IL1RAPL2: variants seen among roughly 807,000 people sequenced by gnomAD.
IL1RAPL2 encodes interleukin 1 receptor accessory protein like 2, also known as X-linked interleukin-1 receptor accessory protein-like 2.
A neutral mutation model predicts 44.1 loss-of-function variants in IL1RAPL2; 3 were observed. The observed-to-expected ratio is 0.07, with a 90% confidence interval of 0.03 to 0.18. The LOEUF (loss-of-function observed/expected upper bound fraction) is 0.18. Among genes scored for constraint, IL1RAPL2 ranks in the 10% least tolerant of loss-of-function variants. The pLI is 1.00. For missense variants in IL1RAPL2, 391 were observed against 496.4 expected (o/e 0.79, Z 2.02); for synonymous variants, 181 against 178.8 (o/e 1.01, Z -0.10).
chrX:105,398,139 T>C (rs1037018629), intron 5 of IL1RAPL2, among the ~76,000 whole-genome samples: 1 of 111,401 alleles, frequency 9.0e-6, no homozygotes, highest in Admixed American at 9.6e-5. Flanking sequence ...ACACTTGATA[T>C]ACAACCTTTT....
At chrX:104,854,700 CAATGTTTGAAAAATAG>C (rs1922312173) in intron 2 of IL1RAPL2, among the ~76,000 whole-genome samples, 1 of 107,367 alleles carries the variant, frequency 9.3e-6, no homozygotes, top group African/African-American at 3.4e-5. Context: ...AAATAGAATA[CAATGTTTGAAAAATAG>C]AATGTTTGAA....
intron 5 of IL1RAPL2, among the ~76,000 whole-genome samples, chrX:105,317,886 G>C (rs1263890128): frequency 1.8e-5 from 2 of 110,762 alleles, no homozygotes; most frequent in Non-Finnish European, 3.8e-5. Context: ...TAAATAATTT[G>C]CCTATATTCA....
chrX:105,170,227 A>G (rs1054638242), intron 2 of IL1RAPL2, among the ~76,000 whole-genome samples: 2 of 111,462 alleles, frequency 1.8e-5, no homozygotes, highest in African/African-American at 6.5e-5. Context: ...AAAAAAATAC[A>G]AATGAGCATA....
intron 7 of IL1RAPL2, among the ~76,000 whole-genome samples, chrX:105,728,715 T>G (rs765600042): frequency 1.8e-5 from 2 of 111,302 alleles, no homozygotes; most frequent in Non-Finnish European, 3.8e-5. Context: ...TGAAACACTA[T>G]ACATTATTGT....
intron 2 of IL1RAPL2, among the ~76,000 whole-genome samples, chrX:104,808,106 T>G (rs142127771): frequency 1.1e-4 from 12 of 112,379 alleles, no homozygotes; most frequent in African/African-American, 3.5e-4. Context: ...TAAGACAGGT[T>G]ATTTAGTTTA....
intron 3 of IL1RAPL2, among the ~76,000 whole-genome samples, chrX:105,198,209 A>C (rs1174055949): frequency 8.9e-6 from 1 of 111,878 alleles, no homozygotes; most frequent in African/African-American, 3.3e-5. Context: ...CGATAAATAC[A>C]TATGTGCATG....
At chrX:105,000,469 G>C (rs1377856212) in intron 2 of IL1RAPL2, among the ~76,000 whole-genome samples, 2 of 110,775 alleles carry the variant, frequency 1.8e-5, no homozygotes, top group African/African-American at 6.6e-5. Context: ...GACCCTACCT[G>C]AGATTATTAT....
At chrX:104,678,611 C>G (rs772107589) in intron 2 of IL1RAPL2, among the ~76,000 whole-genome samples, 1 of 112,302 alleles carries the variant, frequency 8.9e-6, no homozygotes, top group African/African-American at 3.2e-5. Context: ...TCTTTTACCT[C>G]TTTCCATTTT....
chrX:104,865,192 G>T (rs1490874547), intron 2 of IL1RAPL2, among the ~76,000 whole-genome samples: 1 of 111,563 alleles, frequency 9.0e-6, no homozygotes, highest in African/African-American at 3.3e-5. Flanking sequence ...TCCCTGGAGG[G>T]ACTGCAGAGG....
chrX:105,226,011 A>G (rs1235478947), intron 3 of IL1RAPL2, among the ~76,000 whole-genome samples: 1 of 111,899 alleles, frequency 8.9e-6, no homozygotes, highest in Non-Finnish European at 1.9e-5. Context: ...AATAGTGTCT[A>G]TCTCTAGAGC....
chrX:105,307,008 A>C (rs1467171423), intron 5 of IL1RAPL2, among the ~76,000 whole-genome samples: 1 of 111,170 alleles, frequency 9.0e-6, no homozygotes, highest in Non-Finnish European at 1.9e-5. Context: ...ACACGGTGGC[A>C]GGCGTGCGTG....
chrX:105,255,265 T>G (rs1180552912), intron 4 of IL1RAPL2, among the ~76,000 whole-genome samples: 1 of 111,848 alleles, frequency 8.9e-6, no homozygotes, highest in African/African-American at 3.3e-5. Context: ...ACCTCTCTGG[T>G]TAGCTATACA....
intron 1 of IL1RAPL2, among the ~76,000 whole-genome samples, chrX:104,637,581 G>A (rs1001198488): frequency 3.6e-5 from 4 of 110,259 alleles, no homozygotes; most frequent in Non-Finnish European, 7.6e-5. Context: ...TGAGATGATT[G>A]TATGTTTTTT....
At chrX:105,704,110 A>AAGTT (rs1361363635) in intron 6 of IL1RAPL2, among the ~76,000 whole-genome samples, 1 of 111,783 alleles carries the variant, frequency 8.9e-6, no homozygotes, top group Non-Finnish European at 1.9e-5. Context: ...ATAGTAAGGG[A>AAGTT]AGTTAGCAAT....
At chrX:105,255,146 A>G (rs2034304125) in intron 4 of IL1RAPL2, among the ~76,000 whole-genome samples, 1 of 111,619 alleles carries the variant, frequency 9.0e-6, no homozygotes, top group Non-Finnish European at 1.9e-5. Context: ...GTAGGGCTAT[A>G]ATAATATTGA....
At chrX:105,726,524 G>A (rs1259905747) in intron 7 of IL1RAPL2, among the ~76,000 whole-genome samples, 3 of 111,681 alleles carry the variant, frequency 2.7e-5, no homozygotes, top group Non-Finnish European at 5.7e-5. Context: ...TGGGAGGACA[G>A]ACAGATAAAG....
intron 2 of IL1RAPL2, among the ~76,000 whole-genome samples, chrX:105,065,379 A>T (rs1415473398): frequency 9.0e-6 from 1 of 111,614 alleles, no homozygotes; most frequent in African/African-American, 3.3e-5. Context: ...ATTTATATTA[A>T]TTTATTTCTA....
intron 5 of IL1RAPL2, among the ~76,000 whole-genome samples, chrX:105,337,106 T>C (rs1306032966): frequency 1.8e-5 from 2 of 112,211 alleles, no homozygotes; most frequent in Admixed American, 9.5e-5. Context: ...AATGAACATA[T>C]ACTCTCGAGT....
intron 2 of IL1RAPL2, among the ~76,000 whole-genome samples, chrX:104,976,974 T>C (rs2030350280): frequency 9.1e-6 from 1 of 109,507 alleles, no homozygotes; most frequent in Non-Finnish European, 1.9e-5. Context: ...AGCAATAAAA[T>C]AGAGTCAGAA....
Sources: gnomAD v4.1 joint callset for allele counts (sites outside exome capture counted in the v4.1 genomes callset) on GRCh38, gnomAD v4.1.1 for gene constraint, MANE v1.5 for transcripts, NCBI Gene and HGNC (gene_info 2026-07-23, HGNC 2026-07-21) for gene names.